SMAP1: variants seen among roughly 807,000 people sequenced by gnomAD.
SMAP1 encodes stromal membrane-associated protein 1.
SMAP1 carries 24 observed loss-of-function variants against 58.5 expected under a neutral mutation model. The observed-to-expected ratio is 0.41, with a 90% CI of 0.30 to 0.58. SMAP1 has a LOEUF of 0.58. SMAP1 is among the 20% of genes least tolerant of loss of function. The pLI, the probability that SMAP1 is intolerant of heterozygous loss-of-function variation, is 0.29. For missense variants in SMAP1, 563 were observed against 566.3 expected, an observed-to-expected ratio of 0.99 and a Z score of 0.06; for synonymous variants, 216 against 196.6, an observed-to-expected ratio of 1.10 and a Z score of -0.82.
At chr6:70,792,864 A>T (rs950859774) in intron 5 of SMAP1, among the ~76,000 whole-genome samples, 2 of 151,842 alleles carry the variant, frequency 1.3e-5, no homozygotes, top group Admixed American at 1.3e-4. Flanking sequence ...ACAGAATCAG[A>T]TTTTCATGTT....
chr6:70,678,142 G>T (rs1379431748), intron 1 of SMAP1, among the ~76,000 whole-genome samples: 1 of 152,162 alleles, frequency 6.6e-6, no homozygotes, highest in African/African-American at 2.4e-5. Context: ...TTGAGGGTCC[G>T]AAGGAAAGAG....
chr6:70,676,134 C>A (rs770746177), intron 1 of SMAP1, among the ~76,000 whole-genome samples: 5 of 152,144 alleles, frequency 3.3e-5, no homozygotes, highest in Non-Finnish European at 7.3e-5. Context: ...CCTAATTTCC[C>A]CTGGACTTTT....
At chr6:70,726,624 A>G (rs1180391985) in intron 1 of SMAP1, among the ~76,000 whole-genome samples, 1 of 152,158 alleles carries the variant, frequency 6.6e-6, no homozygotes. Context: ...CTGAAGAGAA[A>G]TTTCTTCTCA....
At chr6:70,713,020 T>C (rs1158181478) in intron 1 of SMAP1, among the ~76,000 whole-genome samples, 1 of 152,148 alleles carries the variant, frequency 6.6e-6, no homozygotes, top group African/African-American at 2.4e-5. Context: ...CTTGAACTCC[T>C]GACCTCAAAT....
At chr6:70,757,714 T>A (rs540466349) in intron 3 of SMAP1, among the ~76,000 whole-genome samples, 1 of 152,126 alleles carries the variant, frequency 6.6e-6, no homozygotes, top group African/African-American at 2.4e-5. Flanking sequence ...GCGAAGGACA[T>A]GAACAGACAC....
At chr6:70,838,745 A>G (rs909481270) in intron 7 of SMAP1, among the ~76,000 whole-genome samples, 2 of 151,646 alleles carry the variant, frequency 1.3e-5, no homozygotes, top group African/African-American at 4.8e-5. Flanking sequence ...AGGAGGGGGT[A>G]GGGAGGGGGC....
chr6:70,702,577 G>GCACT (rs1767676611), intron 1 of SMAP1, among the ~76,000 whole-genome samples: 2 of 151,252 alleles, frequency 1.3e-5, no homozygotes, highest in Non-Finnish European at 2.9e-5. Context: ...ACACACACAT[G>GCACT]CACTCCATGC....
At chr6:70,859,213 C>G in intron 10 of SMAP1, 1 of 648,226 alleles carries the variant, frequency 1.5e-6, no homozygotes, top group Non-Finnish European at 2.6e-6. Context: ...CGCTGGGAAT[C>G]TAAAAAATTG....
intron 3 of SMAP1, among the ~76,000 whole-genome samples, chr6:70,759,375 G>C (rs1209607609): frequency 1.3e-5 from 2 of 151,948 alleles, no homozygotes; most frequent in Admixed American, 6.6e-5. Context: ...GGGGAGGTTG[G>C]GTTGGGTTGG....
At chr6:70,668,271 G>A (rs1581966294) in intron 1 of SMAP1, 130 bp downstream of exon 1, 1 of 898,102 alleles carries the variant, frequency 1.1e-6, no homozygotes, top group Non-Finnish European at 1.6e-6. Flanking sequence ...ACTGGAGGGC[G>A]GGTGGCTGAG....
chr6:70,757,422 GA>G (rs1328027587), intron 3 of SMAP1, among the ~76,000 whole-genome samples: 4 of 151,942 alleles, frequency 2.6e-5, no homozygotes, highest in Non-Finnish European at 4.4e-5. Context: ...AACCCTAGAA[GA>G]AAACCTAGGC....
At chr6:70,685,490 G>A (rs1562092084) in intron 1 of SMAP1, among the ~76,000 whole-genome samples, 1 of 152,068 alleles carries the variant, frequency 6.6e-6, no homozygotes, top group Non-Finnish European at 1.5e-5. Context: ...CCAAGAATGG[G>A]GGCTGGGGAA....
At position 70,771,352 on chromosome 6, in the gene SMAP1, A is replaced by G. The variant is rs182411376; in HGVS notation, c.339-1998A>G. ...TTTGTTTGTCTTTGCTCTGCCCCAG[A>G]GTTGGAGCCTACAGAGGCCGGCAGG... On this transcript the variant is annotated intron_variant, in intron 3 of 10. Coordinates refer to ENST00000370455, the MANE Select transcript of SMAP1 (RefSeq NM_001044305.3). 3.6e-3 allele frequency among the ~76,000 whole-genome samples: 523 copies of G among 146,512 alleles called. 4 individuals carry two copies. Among genetic ancestry groups the G allele is most frequent in the Non-Finnish European group, 6.1e-3 (410 of 67,688 alleles).
At chr6:70,737,979 A>G (rs1042233200) in intron 2 of SMAP1, among the ~76,000 whole-genome samples, 6 of 152,210 alleles carry the variant, frequency 3.9e-5, no homozygotes, top group African/African-American at 1.4e-4. Context: ...TGCAGGTACT[A>G]GAAAGGCAGT....
At chr6:70,739,458 T>C (rs747092160) in intron 2 of SMAP1, among the ~76,000 whole-genome samples, 3 of 152,214 alleles carry the variant, frequency 2.0e-5, no homozygotes, top group Non-Finnish European at 4.4e-5. Flanking sequence ...ATGCATACAC[T>C]AGTACCCACT....
At chr6:70,858,641 T>C (rs1269640548) in intron 10 of SMAP1, 1 of 155,902 alleles carries the variant, frequency 6.4e-6, no homozygotes, top group Non-Finnish European at 1.4e-5. Flanking sequence ...CTAATAATTT[T>C]AGGATCTTTT....
intron 2 of SMAP1, among the ~76,000 whole-genome samples, chr6:70,749,476 ATTTGACTATT>A (rs1478405080): frequency 6.6e-6 from 1 of 152,164 alleles, no homozygotes; most frequent in Non-Finnish European, 1.5e-5. Context: ...GATATTTAAG[ATTTGACTATT>A]TTAACATTTT....
At chr6:70,771,604 A>C (rs1043168098) in intron 3 of SMAP1, among the ~76,000 whole-genome samples, 3 of 152,152 alleles carry the variant, frequency 2.0e-5, no homozygotes, top group Admixed American at 1.3e-4. Context: ...GCCCGTCGGA[A>C]AAGCGCGGTG....
intron 1 of SMAP1, among the ~76,000 whole-genome samples, chr6:70,672,713 G>A (rs915351676): frequency 1.3e-5 from 2 of 152,086 alleles, no homozygotes; most frequent in Non-Finnish European, 2.9e-5. Context: ...AGAGCCCCTG[G>A]CAGGCAGCAG....
Sources: gnomAD v4.1 joint callset for allele counts (sites outside exome capture counted in the v4.1 genomes callset) on GRCh38, gnomAD v4.1.1 for gene constraint, MANE v1.5 for transcripts, NCBI Gene and HGNC (gene_info 2026-07-23, HGNC 2026-07-21) for gene names.